The following ENAH variants were observed in gnomAD, a reference collection of about 807,000 sequenced individuals.
ENAH encodes protein enabled homolog.
A neutral mutation model predicts 78.7 loss-of-function variants in ENAH; 23 were observed. The observed-to-expected ratio is 0.29, with a 90% CI of 0.21 to 0.41. ENAH has a LOEUF of 0.41. Among genes scored for constraint, ENAH ranks in the 10% least tolerant of loss-of-function variants. The pLI, the probability that ENAH is intolerant of heterozygous loss-of-function variation, is 1.00. For missense variants in ENAH, 544 were observed against 691.0 expected, an observed-to-expected ratio of 0.79 and a Z score of 2.39; for synonymous variants, 226 against 241.0, an observed-to-expected ratio of 0.94 and a Z score of 0.58.
intron 2 of ENAH, among the ~76,000 whole-genome samples, chr1:225,560,582 C>T (rs989070088): frequency 1.3e-5 from 2 of 152,182 alleles, no homozygotes; most frequent in African/African-American, 4.8e-5. Flanking sequence ...GTCTTGAACT[C>T]CTGGCCCTAG....
chr1:225,560,964 A>G (rs1046997082), intron 2 of ENAH, among the ~76,000 whole-genome samples: 1 of 152,232 alleles, frequency 6.6e-6, no homozygotes, highest in African/African-American at 2.4e-5. Context: ...GGTTGGGCAC[A>G]GTGGCTCATG....
chr1:225,578,229 C>T (rs536641634), intron 1 of ENAH, among the ~76,000 whole-genome samples: 1 of 152,256 alleles, frequency 6.6e-6, no homozygotes, highest in South Asian at 2.1e-4. Flanking sequence ...CTCTGAGAAG[C>T]CAAGGCAGGA....
chr1:225,510,132 T>C (rs2096365136), intron 10 of ENAH, among the ~76,000 whole-genome samples: 1 of 152,222 alleles, frequency 6.6e-6, no homozygotes, highest in South Asian at 2.1e-4. Flanking sequence ...CCTGACACAA[T>C]GTCAGTTTAA....
In ENAH at chr1:225,586,085, G is replaced by A. The variant is rs371640808; in HGVS notation, c.6-18671C>T. Reference sequence around the variant, plus strand: ...TTAAAAATTGGCCAGGCATGGCTGCGTGCACCCGTAGTCCCAGCTACTTGG... The same window carrying A: ...TTAAAAATTGGCCAGGCATGGCTGCATGCACCCGTAGTCCCAGCTACTTGG... On this transcript the variant is annotated intron_variant, in intron 1 of 13. Coordinates refer to ENST00000366843, the MANE Select transcript of ENAH (RefSeq NM_018212.6). Among the ~76,000 whole-genome samples the A allele has an allele frequency of 3.0e-4, 45 of 152,000 alleles. 1 individual carries two copies. Among genetic ancestry groups the A allele is most frequent in the Admixed American group, 1.4e-3 (22 of 15,262 alleles).
intron 11 of ENAH, 119 bp from the exon 12 acceptor site, chr1:225,501,189 A>G: frequency 1.4e-6 from 1 of 691,264 alleles, no homozygotes; most frequent in Non-Finnish European, 2.3e-6. Flanking sequence ...TAAAAAAGCC[A>G]TTTTCTTAAA....
At chr1:225,592,063 C>T (rs1205318601) in intron 1 of ENAH, among the ~76,000 whole-genome samples, 3 of 152,148 alleles carry the variant, frequency 2.0e-5, no homozygotes, top group Non-Finnish European at 4.4e-5. Flanking sequence ...AAACCATGTA[C>T]ATGAAGCATT....
At chr1:225,539,415 A>C (rs1012064170) in intron 3 of ENAH, among the ~76,000 whole-genome samples, 7 of 152,208 alleles carry the variant, frequency 4.6e-5, no homozygotes, top group African/African-American at 1.7e-4. Context: ...TCAACAACAA[A>C]GTACATATAT....
intron 3 of ENAH, among the ~76,000 whole-genome samples, chr1:225,535,899 G>A (rs1158697155): frequency 2.0e-5 from 3 of 152,002 alleles, no homozygotes; most frequent in African/African-American, 4.8e-5. Flanking sequence ...ATGAAGATAA[G>A]GTAGAGGAAG....
At position 225,567,170 on chromosome 1, in the gene ENAH, AC is replaced by A. The variant is rs2096739018; in HGVS notation, c.171+78del. The A allele has an allele frequency of 2.0e-6, 3 of 1,488,646 alleles. No individual in the cohort carries two copies. In the African/African-American group the frequency reaches 4.3e-5, roughly 21 times the overall value. The allele number at this position is 1,488,646 out of a possible 1,614,324, so 92.2% of individuals were successfully genotyped here. A position where few individuals can be genotyped will look rare whatever the true frequency, so the allele number is the denominator to read the frequency against. On this transcript the variant is annotated intron_variant, in intron 2 of 13. Transcript: ENST00000366843. ...AGACTATTTTGATTACAGTTTTAAA[AC>A]TACTTTATTTTACGGAATATGCCAA...
At chr1:225,531,822 T>G (rs1373324723) in intron 3 of ENAH, among the ~76,000 whole-genome samples, 1 of 152,042 alleles carries the variant, frequency 6.6e-6, no homozygotes, top group Non-Finnish European at 1.5e-5. Context: ...GTATCCCAAG[T>G]GTGGAAAAAC....
chr1:225,582,588 G>T (rs1005546700), intron 1 of ENAH, among the ~76,000 whole-genome samples: 3 of 152,220 alleles, frequency 2.0e-5, no homozygotes, highest in Non-Finnish European at 2.9e-5. Flanking sequence ...GCTGCAAAAT[G>T]AGAGGAAATT....
chr1:225,528,556 A>C (rs904173881), intron 4 of ENAH, among the ~76,000 whole-genome samples: 13 of 152,148 alleles, frequency 8.5e-5, no homozygotes, highest in African/African-American at 3.1e-4. Context: ...TAGATTGAGG[A>C]GTCCTGTAAT....
intron 2 of ENAH, among the ~76,000 whole-genome samples, chr1:225,555,803 C>T (rs1343142640): frequency 6.6e-6 from 1 of 152,162 alleles, no homozygotes; most frequent in Non-Finnish European, 1.5e-5. Flanking sequence ...GTACTAGCCA[C>T]ACTTCTAACA....
intron 1 of ENAH, among the ~76,000 whole-genome samples, chr1:225,647,885 A>T (rs1662258126): frequency 6.6e-6 from 1 of 152,202 alleles, no homozygotes; most frequent in Non-Finnish European, 1.5e-5. Context: ...TGAATATAAA[A>T]ATCCTCTTCA....
chr1:225,548,402 T>C (rs1360718093), intron 3 of ENAH, among the ~76,000 whole-genome samples: 1 of 152,162 alleles, frequency 6.6e-6, no homozygotes, highest in African/African-American at 2.4e-5. Context: ...AAACTCAAGT[T>C]CTTTCTACTA....
chr1:225,652,547 G>C, intron 1 of ENAH, 139 bp downstream of exon 1: 1 of 1,060,928 alleles, frequency 9.4e-7, no homozygotes, highest in Non-Finnish European at 1.2e-6. Flanking sequence ...AGGGACAAAA[G>C]GCGGAGGGGG....
In ENAH at chr1:225,489,017, TTTTCC is replaced by T. The variant is rs771959923; in HGVS notation, c.*8753_*8757del. On this transcript the variant is annotated 3_prime_UTR_variant, in exon 14 of 14. Transcript: ENST00000366843. ...GGGCAGGAGGGTAAGATTATTCCTT[TTTTCC>T]TTTCAAGGCTGACAGTGATAGAATA... is the stretch of plus-strand genomic sequence containing the variant. The T allele has an allele frequency of 2.0e-5, 3 of 152,172 alleles. No individual in the cohort carries two copies. Among genetic ancestry groups the T allele is most frequent in the Non-Finnish European group, 2.9e-5 (2 of 68,040 alleles). The allele number at this position is 152,172 out of a possible 1,614,324, so 9.4% of individuals were successfully genotyped here.
intron 1 of ENAH, among the ~76,000 whole-genome samples, chr1:225,587,134 G>A (rs189427512): frequency 6.6e-6 from 1 of 152,248 alleles, no homozygotes; most frequent in African/African-American, 2.4e-5. Flanking sequence ...AGGTCAGGTA[G>A]AAGGCAAGGA....
At chr1:225,645,017 G>A (rs1266359668) in intron 1 of ENAH, among the ~76,000 whole-genome samples, 3 of 152,164 alleles carry the variant, frequency 2.0e-5, no homozygotes, top group African/African-American at 7.2e-5. Flanking sequence ...TCCTTAGCAC[G>A]AAGATACAGC....
Sources: gnomAD v4.1 joint callset for allele counts (sites outside exome capture counted in the v4.1 genomes callset) on GRCh38, gnomAD v4.1.1 for gene constraint, MANE v1.5 for transcripts, NCBI Gene and HGNC (gene_info 2026-07-23, HGNC 2026-07-21) for gene names.